Variants in PDE4B observed in about 807,000 individuals in gnomAD.
PDE4B encodes the protein 3',5'-cyclic-AMP phosphodiesterase 4B.
Under a neutral mutation model 82.2 loss-of-function variants are expected in PDE4B, and 20 were observed. The observed-to-expected ratio is 0.24, with a 90% confidence interval of 0.17 to 0.35. The LOEUF (loss-of-function observed/expected upper bound fraction) is 0.35, where lower values mean the gene tolerates loss of function less well. PDE4B is among the 10% of genes least tolerant of loss of function. PDE4B has a pLI of 1.00. For synonymous variants in PDE4B, 320 were observed against 318.9 expected (o/e 1.00, Z -0.04); for missense variants, 655 against 907.2 (o/e 0.72, Z 3.57).
At chr1:66,094,632 A>G (rs987294572) in intron 3 of PDE4B, 2 of 152,018 alleles carry the variant, frequency 1.3e-5, no homozygotes. Context: ...CAAAGACACA[A>G]ACTGGGTTAA....
At chr1:66,097,497 A>G (rs1480707032) in intron 3 of PDE4B, among the ~76,000 whole-genome samples, 1 of 152,098 alleles carries the variant, frequency 6.6e-6, no homozygotes, top group Non-Finnish European at 1.5e-5. Flanking sequence ...ATTTATAAAC[A>G]CTGGATATGA....
intron 12 of PDE4B, 119 bp downstream of exon 12, chr1:66,363,690 T>C: frequency 1.3e-6 from 1 of 758,264 alleles, no homozygotes; most frequent in Non-Finnish European, 2.1e-6. Flanking sequence ...GTTGGGAGGA[T>C]TGCTTGAGCC....
At chr1:66,188,330 T>A in intron 3 of PDE4B, among the ~76,000 whole-genome samples, 1 of 150,378 alleles carries the variant, frequency 6.6e-6, no homozygotes, top group East Asian at 2.0e-4. Flanking sequence ...GGGTGGAGAG[T>A]TCTGTAGATA....
chr1:65,992,722 A>G (rs1034152957), intron 3 of PDE4B: 6 of 1,350,494 alleles, frequency 4.4e-6, no homozygotes, highest in Non-Finnish European at 5.7e-6. Flanking sequence ...TCCTTGTGAC[A>G]GCCTGACTTG....
intron 10 of PDE4B, 92 bp from the exon 11 acceptor site, chr1:66,363,076 A>T: frequency 1.2e-6 from 1 of 826,858 alleles, no homozygotes; most frequent in Non-Finnish European, 2.0e-6. Context: ...CTAAAGACTT[A>T]AACAGCCAAT....
intron 3 of PDE4B, among the ~76,000 whole-genome samples, chr1:66,125,502 T>C (rs1221103910): frequency 1.3e-5 from 2 of 152,206 alleles, no homozygotes; most frequent in Non-Finnish European, 2.9e-5. Flanking sequence ...TGTATGTATA[T>C]ATAGTTCACA....
Position 66,326,974 on chromosome 1 carries a change from C to G in PDE4B, c.635-5534C>G, listed in dbSNP as rs138732354. ...CAGTGTAGTCATAAGATTACACTTC[C>G]CTGCACAGATTGCAGGGCCAGCTTT... On this transcript the variant is annotated intron_variant, in intron 7 of 16. Coordinates refer to ENST00000341517, the MANE Select transcript of PDE4B (RefSeq NM_002600.4). 2.0e-4 allele frequency among the ~76,000 whole-genome samples: 30 copies of G among 152,294 alleles called. No homozygotes were observed. In the East Asian group the frequency reaches 5.6e-3, roughly 28 times the overall value.
intron 3 of PDE4B, among the ~76,000 whole-genome samples, chr1:66,232,003 T>G (rs1651989223): frequency 6.6e-6 from 1 of 152,224 alleles, no homozygotes; most frequent in African/African-American, 2.4e-5. Context: ...AATTGGGGAC[T>G]GTCCAGCCCG....
At chr1:66,269,490 C>G (rs1281176280) in intron 7 of PDE4B, among the ~76,000 whole-genome samples, 1 of 152,102 alleles carries the variant, frequency 6.6e-6, no homozygotes, top group Non-Finnish European at 1.5e-5. Flanking sequence ...CTACATGGTG[C>G]TCAAGGATTG....
At chr1:65,989,403 G>T (rs1651123168) in intron 3 of PDE4B, among the ~76,000 whole-genome samples, 1 of 151,864 alleles carries the variant, frequency 6.6e-6, no homozygotes. Flanking sequence ...CAGGAGGTAG[G>T]ATCGCTTGAA....
chr1:66,020,647 A>G (rs1387011242), intron 3 of PDE4B, among the ~76,000 whole-genome samples: 2 of 152,154 alleles, frequency 1.3e-5, no homozygotes, highest in East Asian at 3.8e-4. Context: ...AGATGAACTC[A>G]TCCTTTTTTA....
chr1:66,297,905 A>G (rs1306606995), intron 7 of PDE4B, among the ~76,000 whole-genome samples: 4 of 152,124 alleles, frequency 2.6e-5, no homozygotes, highest in African/African-American at 2.4e-5. Flanking sequence ...TCATTAGTCC[A>G]TTATGGTTGC....
intron 8 of PDE4B, among the ~76,000 whole-genome samples, chr1:66,338,847 T>A (rs1660728232): frequency 6.7e-6 from 1 of 149,816 alleles, no homozygotes; most frequent in Admixed American, 6.6e-5. Flanking sequence ...TGAAACCCCG[T>A]CTCTACTAAA....
At chr1:66,053,360 G>T (rs1451794045) in intron 3 of PDE4B, among the ~76,000 whole-genome samples, 2 of 152,100 alleles carry the variant, frequency 1.3e-5, no homozygotes, top group Non-Finnish European at 2.9e-5. Context: ...CTAAGAATCT[G>T]CAAGTTTAAG....
intron 3 of PDE4B, among the ~76,000 whole-genome samples, chr1:66,126,850 A>T (rs1487905002): frequency 2.0e-5 from 3 of 152,252 alleles, no homozygotes; most frequent in African/African-American, 7.2e-5. Context: ...TAACAAGGTG[A>T]TACATTTAAT....
chr1:65,861,958 A>G (rs1215493647), intron 1 of PDE4B, among the ~76,000 whole-genome samples: 1 of 152,032 alleles, frequency 6.6e-6, no homozygotes, highest in African/African-American at 2.4e-5. Flanking sequence ...GGCTGAAATG[A>G]TGGGTTTTCT....
At chr1:65,833,020 G>A (rs763806907) in intron 1 of PDE4B, among the ~76,000 whole-genome samples, 1 of 152,144 alleles carries the variant, frequency 6.6e-6, no homozygotes, top group Non-Finnish European at 1.5e-5. Flanking sequence ...TGAGCAAAGT[G>A]AACAATGTTA....
chr1:66,091,650 A>G (rs1017859332), intron 3 of PDE4B, among the ~76,000 whole-genome samples: 7 of 152,060 alleles, frequency 4.6e-5, no homozygotes, highest in African/African-American at 1.7e-4. Flanking sequence ...AAATTACATG[A>G]GAGGTCATTT....
chr1:65,812,491 G>C (rs543693933), intron 1 of PDE4B, among the ~76,000 whole-genome samples: 1 of 152,284 alleles, frequency 6.6e-6, no homozygotes, highest in Admixed American at 6.5e-5. Flanking sequence ...AATCATGTAG[G>C]TTTTAACTAT....
Sources: allele counts gnomAD v4.1 joint callset (sites outside exome capture counted in the v4.1 genomes callset), GRCh38; gene constraint gnomAD v4.1.1; transcripts MANE v1.5; gene names NCBI Gene and HGNC (gene_info 2026-07-23, HGNC 2026-07-21).